KIF14: variants seen among roughly 807,000 people sequenced by gnomAD.
KIF14 encodes the protein kinesin-like protein KIF14.
A neutral mutation model predicts 176.2 loss-of-function variants in KIF14; 98 were observed. The observed-to-expected ratio is 0.56, with a 90% CI of 0.47 to 0.66. The LOEUF is 0.66. Among genes scored for constraint, KIF14 ranks in the 30% least tolerant of loss-of-function variants. The pLI is 0.00. For synonymous variants in KIF14, 566 were observed against 632.2 expected (o/e 0.90, Z 1.57); for missense variants, 1,751 against 1,920.4 (o/e 0.91, Z 1.65).
chr1:200,578,771 G>C (rs1430496619), intron 21 of KIF14, among the ~76,000 whole-genome samples: 1 of 152,162 alleles, frequency 6.6e-6, no homozygotes, highest in Admixed American at 6.5e-5. Context: ...AACTTTTATA[G>C]CTATATTAAT....
chr1:200,588,670 T>A (rs971890622), intron 18 of KIF14, among the ~76,000 whole-genome samples: 4 of 152,228 alleles, frequency 2.6e-5, no homozygotes, highest in African/African-American at 9.6e-5. Flanking sequence ...GTATTAACAT[T>A]CTGGTTTTAT....
intron 4 of KIF14, among the ~76,000 whole-genome samples, chr1:200,610,493 G>C (rs575292345): frequency 2.4e-4 from 31 of 131,522 alleles, no homozygotes; most frequent in Non-Finnish European, 4.1e-4. Flanking sequence ...CTGGGTGACA[G>C]AGCGAGACTT....
At chr1:200,568,324 A>G (rs537461846) in intron 23 of KIF14, among the ~76,000 whole-genome samples, 10 of 152,328 alleles carry the variant, frequency 6.6e-5, no homozygotes, top group Non-Finnish European at 1.0e-4. Context: ...CCACAGATAC[A>G]TATCTTTTTA....
At chr1:200,567,209 C>A (rs1012244544) in intron 23 of KIF14, among the ~76,000 whole-genome samples, 2 of 150,212 alleles carry the variant, frequency 1.3e-5, no homozygotes, top group African/African-American at 4.9e-5. Flanking sequence ...GTACTTCTAC[C>A]TTACAATAGT....
At chr1:200,586,547 T>A (rs1288393801) in intron 18 of KIF14, among the ~76,000 whole-genome samples, 1 of 151,650 alleles carries the variant, frequency 6.6e-6, no homozygotes, top group Non-Finnish European at 1.5e-5. Context: ...TACAAAATAA[T>A]TTTTCCCCAC....
chr1:200,617,665 T>C lies in KIF14; in HGVS notation c.1059A>G (p.Lys353=). ...QNTSAGKDPL[K]VENSQVTVAV... ...CCACTGTCACTTGACTATTCTCTACTTTTAAGGGGTCTTTTCCTGCAGAGG... is the reference window on the plus strand; with the variant it reads ...CCACTGTCACTTGACTATTCTCTACCTTTAAGGGGTCTTTTCCTGCAGAGG... Residue 353 remains lysine (K), a synonymous_variant, in exon 2 of 30, where the codon AAA becomes AAG. Coordinates refer to ENST00000367350, the MANE Select transcript of KIF14 (RefSeq NM_014875.3). 1 of 1,614,076 alleles carries C rather than the reference T, an allele frequency of 6.2e-7. No individual in the cohort carries two copies. The highest frequency in any genetic ancestry group is 1.1e-5 in the South Asian group (1 of 91,082).
At chr1:200,591,607 GAAGAA>G (rs1659055385) in intron 16 of KIF14, among the ~76,000 whole-genome samples, 1 of 152,176 alleles carries the variant, frequency 6.6e-6, no homozygotes. Context: ...TGGGGCACAA[GAAGAA>G]AAGAAAAACA....
chr1:200,614,256 T>C (rs769646639), intron 4 of KIF14, 62 bp downstream of exon 4: 40 of 891,682 alleles, frequency 4.5e-5, no homozygotes, highest in Non-Finnish European at 6.2e-5. Flanking sequence ...CATGACTGAT[T>C]TGAACTTGAT....
chr1:200,577,075 T>C (rs1222129016), intron 21 of KIF14, among the ~76,000 whole-genome samples: 1 of 150,148 alleles, frequency 6.7e-6, no homozygotes, highest in Non-Finnish European at 1.5e-5. Context: ...TTTGAGAGGC[T>C]GAGGCAGGCA....
At chr1:200,559,943 C>T (rs560347286) in intron 26 of KIF14, among the ~76,000 whole-genome samples, 6 of 152,100 alleles carry the variant, frequency 3.9e-5, no homozygotes, top group South Asian at 2.1e-4. Context: ...TTAGTAGAGA[C>T]GGGGTTTCGC....
At chr1:200,578,415 A>G (rs2102643085) in intron 21 of KIF14, among the ~76,000 whole-genome samples, 1 of 152,238 alleles carries the variant, frequency 6.6e-6, no homozygotes, top group Non-Finnish European at 1.5e-5. Flanking sequence ...AAATTATTTA[A>G]AGGTAGTATA....
chr1:200,562,173 G>T (rs1243476737), intron 25 of KIF14, among the ~76,000 whole-genome samples: 1 of 152,194 alleles, frequency 6.6e-6, no homozygotes, highest in Non-Finnish European at 1.5e-5. Context: ...ATTCAGGTTT[G>T]CTAGCTTAAC....
At chr1:200,572,844 C>T (rs763056715) in intron 22 of KIF14, among the ~76,000 whole-genome samples, 3 of 152,120 alleles carry the variant, frequency 2.0e-5, no homozygotes, top group Admixed American at 1.3e-4. Flanking sequence ...GCTTAAATAT[C>T]TCAAGCTCTA....
chr1:200,613,951 G>C (rs1309271755), intron 4 of KIF14, among the ~76,000 whole-genome samples: 1 of 152,206 alleles, frequency 6.6e-6, no homozygotes, highest in Non-Finnish European at 1.5e-5. Flanking sequence ...TACTCTTTCT[G>C]ATTCACGTTG....
At chr1:200,563,357 A>G (rs1011820732) in intron 25 of KIF14, among the ~76,000 whole-genome samples, 2 of 151,790 alleles carry the variant, frequency 1.3e-5, no homozygotes, top group Non-Finnish European at 2.9e-5. Flanking sequence ...CTTTTTTTAA[A>G]TAGTTTACTT....
intron 18 of KIF14, among the ~76,000 whole-genome samples, chr1:200,588,866 G>T (rs936786288): frequency 1.3e-5 from 2 of 152,222 alleles, no homozygotes; most frequent in African/African-American, 4.8e-5. Context: ...GTGACATCAG[G>T]ATGTGACCCA....
intron 5 of KIF14, among the ~76,000 whole-genome samples, chr1:200,607,501 T>C (rs1340320604): frequency 6.6e-6 from 1 of 152,248 alleles, no homozygotes; most frequent in Non-Finnish European, 1.5e-5. Context: ...ATGATTTATA[T>C]ACTTTTAAAT....
At position 200,565,542 on chromosome 1, in the gene KIF14, T is replaced by C. The variant is rs755601075; in HGVS notation, c.3789A>G (p.Ile1263Met). The change falls in exon 24 of 30, where the codon ATA becomes ATG. Residue 1263 changes from isoleucine (I) to methionine (M), a missense_variant. Transcript: ENST00000367350. Reference protein sequence around the residue: ...FGQSYDEERTIADSLINSFLK... With the variant: ...FGQSYDEERTMADSLINSFLK... ...GAAAACTATTAATTAGGCTGTCTGC[T>C]ATAGTTCTTTCTTCATCATAACTCT... 5 of 1,611,754 alleles carry C rather than the reference T, an allele frequency of 3.1e-6. No individual in the cohort carries two copies. In the South Asian group the frequency reaches 5.5e-5, roughly 18 times the overall value.
intron 21 of KIF14, among the ~76,000 whole-genome samples, chr1:200,576,080 A>G (rs1658085315): frequency 6.6e-6 from 1 of 152,262 alleles, no homozygotes; most frequent in Non-Finnish European, 1.5e-5. Context: ...TTACATATTT[A>G]ACGTAATAAC....
Sources: gnomAD v4.1 joint callset for allele counts (sites outside exome capture counted in the v4.1 genomes callset) on GRCh38, gnomAD v4.1.1 for gene constraint, MANE v1.5 for transcripts, NCBI Gene and HGNC (gene_info 2026-07-23, HGNC 2026-07-21) for gene names.